Variants in RIMS1 observed in about 807,000 individuals in gnomAD.
RIMS1 encodes regulating synaptic membrane exocytosis 1.
Under a neutral mutation model 214.1 loss-of-function variants are expected in RIMS1, and 83 were observed. That is an observed-to-expected ratio of 0.39 (90% CI 0.32 to 0.47). RIMS1 has a LOEUF of 0.47. Ranked by LOEUF, RIMS1 falls within the 20% of genes least tolerant of loss-of-function variation. The pLI, the probability that RIMS1 is intolerant of heterozygous loss-of-function variation, is 0.99. For synonymous variants in RIMS1, 793 were observed against 786.8 expected (o/e 1.01, Z -0.13); for missense variants, 2,050 against 2,161.8 (o/e 0.95, Z 1.03).
chr6:72,093,838 A>G (rs2030126223), intron 2 of RIMS1, among the ~76,000 whole-genome samples: 1 of 152,138 alleles, frequency 6.6e-6, no homozygotes, highest in Non-Finnish European at 1.5e-5. Flanking sequence ...TGAATACCTA[A>G]CTAAAATTTT....
At chr6:72,233,420 A>G (rs2062763070) in intron 6 of RIMS1, among the ~76,000 whole-genome samples, 1 of 151,576 alleles carries the variant, frequency 6.6e-6, no homozygotes, top group East Asian at 1.9e-4. Context: ...ATGTCAATGA[A>G]TAAAATTTTA....
chr6:72,149,491 G>C (rs1359879040), intron 4 of RIMS1, among the ~76,000 whole-genome samples: 2 of 152,082 alleles, frequency 1.3e-5, no homozygotes, highest in Non-Finnish European at 2.9e-5. Context: ...CGTCTGTGAA[G>C]GGAAACAAAG....
intron 7 of RIMS1, among the ~76,000 whole-genome samples, chr6:72,234,547 C>T (rs554583666): frequency 1.2e-4 from 18 of 152,006 alleles, no homozygotes; most frequent in Non-Finnish European, 2.2e-4. Context: ...AACTGATGAG[C>T]CAATATTGAT....
At chr6:72,380,069 A>G (rs954362702) in intron 29 of RIMS1, among the ~76,000 whole-genome samples, 8 of 152,254 alleles carry the variant, frequency 5.3e-5, no homozygotes, top group Admixed American at 2.0e-4. Flanking sequence ...TTGCAGCCAT[A>G]TAAAAGGATG....
At chr6:72,219,943 G>A (rs1397671916) in intron 6 of RIMS1, among the ~76,000 whole-genome samples, 2 of 152,040 alleles carry the variant, frequency 1.3e-5, no homozygotes, top group African/African-American at 4.8e-5. Context: ...TCAGAGAAGA[G>A]ATGTTAGTAC....
In RIMS1 at chr6:71,970,457, C is replaced by T. The variant is rs113567634; in HGVS notation, c.245+1394C>T. ...GATTTTAAAATCTCTTTATATTCCA[C>T]GTATCGAGGTTTCATTTTAATTGGT... is the stretch of plus-strand genomic sequence containing the variant. On this transcript the variant is annotated intron_variant, in intron 2 of 33. Transcript: ENST00000521978. 6.8e-4 allele frequency among the ~76,000 whole-genome samples: 104 copies of T among 152,206 alleles called. 1 individual carries two copies. Among genetic ancestry groups the T allele is most frequent in the African/African-American group, 2.0e-3 (83 of 41,532 alleles).
At chr6:72,277,581 CAAA>C (rs34868285) in intron 23 of RIMS1, among the ~76,000 whole-genome samples, 1 of 138,080 alleles carries the variant, frequency 7.2e-6, no homozygotes. Context: ...GACTCTGTCT[CAAA>C]AAAAAAAAAA....
chr6:72,039,137 C>T (rs1035638349), intron 2 of RIMS1, among the ~76,000 whole-genome samples: 2 of 138,316 alleles, frequency 1.4e-5, no homozygotes, highest in Non-Finnish European at 3.1e-5. Flanking sequence ...CCAGAAACTA[C>T]CATTCATTAA....
At chr6:72,233,153 T>C (rs1442027878) in intron 6 of RIMS1, among the ~76,000 whole-genome samples, 2 of 151,800 alleles carry the variant, frequency 1.3e-5, no homozygotes, top group African/African-American at 4.8e-5. Context: ...TAGCATTATA[T>C]TGTTAAGCCA....
intron 4 of RIMS1, among the ~76,000 whole-genome samples, chr6:72,178,239 G>A (rs1488750809): frequency 6.6e-6 from 1 of 152,068 alleles, no homozygotes; most frequent in Non-Finnish European, 1.5e-5. Flanking sequence ...CTGGAAAGCA[G>A]TTCTTAATTC....
chr6:72,018,423 T>C (rs1415220621), intron 2 of RIMS1, among the ~76,000 whole-genome samples: 1 of 152,084 alleles, frequency 6.6e-6, no homozygotes, highest in Non-Finnish European at 1.5e-5. Flanking sequence ...GGGGTGGAGG[T>C]TGAAATATCA....
chr6:72,351,611 CACACAGCTAGTAAGTGGCAA>C (rs2097449842), intron 29 of RIMS1, among the ~76,000 whole-genome samples: 1 of 152,152 alleles, frequency 6.6e-6, no homozygotes, highest in Non-Finnish European at 1.5e-5. Context: ...TAACCATTGT[CACACAGCTAGTAAGTGGCAA>C]AGAAATAATT....
At chr6:72,087,148 G>GA (rs533834174) in intron 2 of RIMS1, among the ~76,000 whole-genome samples, 195 of 152,144 alleles carry the variant, frequency 1.3e-3, no homozygotes, top group African/African-American at 4.6e-3. Flanking sequence ...AAAGCTTGCA[G>GA]AAAAAAGATA....
chr6:72,251,246 A>G lies in RIMS1; in HGVS notation c.2576A>G (p.Asp859Gly). The change falls in exon 15 of 34, where the codon GAT (aspartate) becomes GGT (glycine). Residue 859 changes from aspartate (D) to glycine (G), a missense_variant. Asp to Gly is a moderately conservative substitution (Grantham distance 94). This residue lies in a region of RIMS1 where 889 missense variants were observed against 885.5 expected (regional missense o/e 1.00). Coordinates refer to ENST00000521978, the MANE Select transcript of RIMS1 (RefSeq NM_014989.7). ...ATAGAATTGGAGACAGCGCTTTTAGATGATGAACCGCATTGGTATAAACTT... is the reference window on the plus strand; with the variant it reads ...ATAGAATTGGAGACAGCGCTTTTAGGTGATGAACCGCATTGGTATAAACTT... Reference protein sequence around the residue: ...ILIELETALLDDEPHWYKLQT... With the variant: ...ILIELETALLGDEPHWYKLQT... 1 of 1,598,664 alleles carries G rather than the reference A, an allele frequency of 6.3e-7. No individual in the cohort carries two copies. Among genetic ancestry groups the G allele is most frequent in the South Asian group, 1.1e-5 (1 of 88,186 alleles).
chr6:72,318,822 G>A (rs1165026384), intron 28 of RIMS1, among the ~76,000 whole-genome samples: 1 of 152,082 alleles, frequency 6.6e-6, no homozygotes, highest in African/African-American at 2.4e-5. Flanking sequence ...TTACCGACCT[G>A]TTTTAGTTCT....
intron 4 of RIMS1, among the ~76,000 whole-genome samples, chr6:72,166,753 G>A (rs1211566804): frequency 2.0e-4 from 1 of 4,902 alleles, no homozygotes; most frequent in Admixed American, 4.7e-3. Context: ...TTTGCTTCTG[G>A]TGTATGAAAT....
At chr6:72,257,458 G>A (rs2076358242) in intron 16 of RIMS1, among the ~76,000 whole-genome samples, 1 of 152,010 alleles carries the variant, frequency 6.6e-6, no homozygotes, top group South Asian at 2.1e-4. Flanking sequence ...TTTCAGATGT[G>A]TAAGGCAGAT....
At chr6:72,350,348 A>T (rs142281911) in intron 29 of RIMS1, among the ~76,000 whole-genome samples, 2 of 152,142 alleles carry the variant, frequency 1.3e-5, no homozygotes, top group Non-Finnish European at 2.9e-5. Flanking sequence ...TGTAGCTTCA[A>T]TGATGAGTCC....
In RIMS1 at chr6:72,306,150, A is replaced by G. The variant is rs764382389; in HGVS notation, c.3851-1108A>G. On this transcript the variant is annotated intron_variant, in intron 26 of 33. Coordinates refer to ENST00000521978, the MANE Select transcript of RIMS1 (RefSeq NM_014989.7). Reference sequence around the variant, plus strand: ...AAATCAGCAGCCAAGTCAATCAAACATATCAACATTTCCATTAACTTGTAA... The same window carrying G: ...AAATCAGCAGCCAAGTCAATCAAACGTATCAACATTTCCATTAACTTGTAA... Among the ~76,000 whole-genome samples, 93 of 152,250 alleles carry G rather than the reference A, an allele frequency of 6.1e-4. No individual in the cohort carries two copies. In the Middle Eastern group the frequency reaches 0.014, roughly 22 times the overall value.
Sources: allele counts gnomAD v4.1 joint callset (sites outside exome capture counted in the v4.1 genomes callset), GRCh38; gene constraint gnomAD v4.1.1; regional missense constraint gnomAD v4.1.1; transcripts MANE v1.5; gene names NCBI Gene and HGNC (gene_info 2026-07-23, HGNC 2026-07-21).